DCX: variants seen among roughly 807,000 people sequenced by gnomAD.
The protein encoded by DCX is neuronal migration protein doublecortin.
DCX carries 4 observed loss-of-function variants against 20.9 expected under a neutral mutation model. The observed-to-expected ratio is 0.19, with a 90% CI of 0.09 to 0.44. The LOEUF (loss-of-function observed/expected upper bound fraction) is 0.44, where lower values mean the gene tolerates loss of function less well. Among genes scored for constraint, DCX ranks in the 20% least tolerant of loss-of-function variants. DCX has a pLI of 0.99. For missense variants in DCX, 133 were observed against 296.9 expected (o/e 0.45, Z 4.06); for synonymous variants, 103 against 111.4 (o/e 0.92, Z 0.47).
intron 6 of DCX, among the ~76,000 whole-genome samples, chrX:111,304,449 C>T (rs1374736552): frequency 8.9e-6 from 1 of 111,778 alleles, no homozygotes; most frequent in Non-Finnish European, 1.9e-5. Flanking sequence ...CTCTCCCCAG[C>T]TCCATGGTAG....
intron 3 of DCX, among the ~76,000 whole-genome samples, chrX:111,380,192 C>T (rs909005741): frequency 9.0e-5 from 10 of 111,527 alleles, no homozygotes; most frequent in African/African-American, 2.6e-4. Context: ...CTTATGAAGT[C>T]CAATTTGTCT....
chrX:111,363,728 A>G lies in DCX; in HGVS notation c.706-30575T>C, dbSNP rs755683054. On this transcript the variant is annotated intron_variant, in intron 3 of 6. Coordinates refer to ENST00000636035, the MANE Select transcript of DCX (RefSeq NM_001195553.2). Reference sequence around the variant, plus strand: ...ACATATTATACATTTTCCTTGTCACATCTTTTTTCAGTTTATGCCCAAGGT... The same window carrying G: ...ACATATTATACATTTTCCTTGTCACGTCTTTTTTCAGTTTATGCCCAAGGT... Among the ~76,000 whole-genome samples, 6 of 111,495 alleles carry G rather than the reference A, an allele frequency of 5.4e-5. No individual in the cohort carries two copies. In the South Asian group the frequency reaches 2.3e-3, roughly 43 times the overall value.
At chrX:111,347,545 G>C (rs757866947) in intron 3 of DCX, among the ~76,000 whole-genome samples, 8 of 111,210 alleles carry the variant, frequency 7.2e-5, no homozygotes, top group South Asian at 3.9e-4. Context: ...ATTGTGAAGG[G>C]AAAAATTGAT....
rs765456325 is a variant in DCX at position 111,298,467 on chromosome X, G to A, written c.*3220C>T. 2.7e-5 allele frequency: 3 copies of A among 111,947 alleles called. No individual in the cohort carries two copies. In the South Asian group the frequency reaches 1.2e-3, roughly 44 times the overall value. The allele number at this position is 111,947 out of a possible 1,213,427, so 9.2% of individuals were successfully genotyped here. A position where few individuals can be genotyped will look rare whatever the true frequency, so the allele number is the denominator to read the frequency against. On this transcript the variant is annotated 3_prime_UTR_variant, in exon 7 of 7. Transcript: ENST00000636035. ...GGGCAGCAGCATGTGGCTCCAAGAT[G>A]CAACATGACCCTGAGAAATAACTCT...
intron 6 of DCX, among the ~76,000 whole-genome samples, chrX:111,306,318 A>C (rs942418570): frequency 8.9e-6 from 1 of 112,137 alleles, no homozygotes; most frequent in African/African-American, 3.2e-5. Flanking sequence ...CTTTAAGACA[A>C]AAATTATTAC....
At chrX:111,381,002 C>T (rs1925925730) in intron 3 of DCX, among the ~76,000 whole-genome samples, 1 of 110,657 alleles carries the variant, frequency 9.0e-6, no homozygotes, top group Admixed American at 9.7e-5. Flanking sequence ...GGTTGAACAG[C>T]AACTTAATGA....
intron 5 of DCX, among the ~76,000 whole-genome samples, chrX:111,316,372 C>T (rs2095072099): frequency 9.0e-6 from 1 of 111,308 alleles, no homozygotes; most frequent in Non-Finnish European, 1.9e-5. Context: ...GCTGGGACTA[C>T]AGGCATGCAC....
At chrX:111,335,671 G>C (rs1360060872) in intron 3 of DCX, among the ~76,000 whole-genome samples, 1 of 112,597 alleles carries the variant, frequency 8.9e-6, no homozygotes, top group Non-Finnish European at 1.9e-5. Flanking sequence ...GTCTAGGCCA[G>C]GTGCAGTGAC....
intron 3 of DCX, among the ~76,000 whole-genome samples, chrX:111,359,800 C>A (rs1456993650): frequency 2.7e-5 from 3 of 111,679 alleles, no homozygotes; most frequent in Non-Finnish European, 5.7e-5. Flanking sequence ...ATGAAAGCAG[C>A]AATTTTATTA....
chrX:111,358,787 G>A (rs1372913902), intron 3 of DCX, among the ~76,000 whole-genome samples: 1 of 111,142 alleles, frequency 9.0e-6, no homozygotes, highest in African/African-American at 3.3e-5. Context: ...AAAAGTAATC[G>A]TTTTTCTATA....
intron 3 of DCX, among the ~76,000 whole-genome samples, chrX:111,333,861 C>T (rs1021290998): frequency 3.6e-5 from 4 of 111,728 alleles, no homozygotes; most frequent in Non-Finnish European, 5.6e-5. Context: ...CAGACAGTCT[C>T]CCCAACCCCC....
chrX:111,400,934 C>T, intron 3 of DCX, 56 bp downstream of exon 3: 6 of 1,064,105 alleles, frequency 5.6e-6, no homozygotes, highest in Non-Finnish European at 7.9e-6. Context: ...TTAGGTATAA[C>T]ATGATCATCT....
At chrX:111,407,800 A>ACGCG (rs1315785413) in intron 2 of DCX, among the ~76,000 whole-genome samples, 1 of 55,047 alleles carries the variant, frequency 1.8e-5, no homozygotes, top group Non-Finnish European at 3.6e-5. Context: ...ATACATCAAT[A>ACGCG]CGCACACACA....
intron 3 of DCX, among the ~76,000 whole-genome samples, chrX:111,357,399 A>C (rs1331311180): frequency 8.9e-6 from 1 of 111,966 alleles, no homozygotes; most frequent in Non-Finnish European, 1.9e-5. Flanking sequence ...TTTGGGGAGA[A>C]GAAAGATGTT....
intron 3 of DCX, among the ~76,000 whole-genome samples, chrX:111,373,612 T>C (rs753079161): frequency 1.8e-5 from 2 of 111,840 alleles, no homozygotes; most frequent in East Asian, 2.8e-4. Context: ...AGAGTTAACA[T>C]TAGGCAGGAT....
chrX:111,334,677 G>T (rs1569489386), intron 3 of DCX, among the ~76,000 whole-genome samples: 1 of 112,192 alleles, frequency 8.9e-6, no homozygotes, highest in African/African-American at 3.2e-5. Context: ...TAACTTCAAA[G>T]CCTGTCCTTT....
chrX:111,369,858 C>A (rs1924938011), intron 3 of DCX, among the ~76,000 whole-genome samples: 1 of 111,621 alleles, frequency 9.0e-6, no homozygotes, highest in Non-Finnish European at 1.9e-5. Context: ...ACAACAGAGT[C>A]CTGCCTCAGT....
At chrX:111,403,587 A>G (rs1390679973) in intron 2 of DCX, among the ~76,000 whole-genome samples, 2 of 111,923 alleles carry the variant, frequency 1.8e-5, no homozygotes, top group Admixed American at 9.5e-5. Context: ...TAATGGAAAA[A>G]GCGCAGCTGA....
chrX:111,383,834 G>T (rs1026454348), intron 3 of DCX, among the ~76,000 whole-genome samples: 3 of 111,180 alleles, frequency 2.7e-5, no homozygotes, highest in African/African-American at 9.8e-5. Context: ...TCTGGAGTCA[G>T]GTCTAGGCAT....
Sources: gnomAD v4.1 joint callset for allele counts (sites outside exome capture counted in the v4.1 genomes callset) on GRCh38, gnomAD v4.1.1 for gene constraint, MANE v1.5 for transcripts, NCBI Gene and HGNC (gene_info 2026-07-23, HGNC 2026-07-21) for gene names.